Variants in RBM6 observed in about 807,000 individuals in gnomAD.
RBM6 encodes the protein RNA binding motif protein 6.
RBM6 carries 23 observed loss-of-function variants against 140.4 expected under a neutral mutation model. The observed-to-expected ratio is 0.16, with a 90% confidence interval of 0.12 to 0.23. The LOEUF (loss-of-function observed/expected upper bound fraction) is 0.23. Among genes scored for constraint, RBM6 ranks in the 10% least tolerant of loss-of-function variants. RBM6 has a pLI of 1.00. For synonymous variants in RBM6, 439 were observed against 475.6 expected (o/e 0.92, Z 1.00); for missense variants, 1,139 against 1,386.7 (o/e 0.82, Z 2.84).
chr3:49,942,379 CT>C, intron 1 of RBM6, among the ~76,000 whole-genome samples: 1 of 151,364 alleles, frequency 6.6e-6, no homozygotes, highest in East Asian at 1.9e-4. Flanking sequence ...GTCCCAGGTA[CT>C]CAGGAGGCTG....
intron 1 of RBM6, chr3:49,940,845 A>G (rs1260233702): frequency 3.6e-5 from 5 of 137,626 alleles, no homozygotes; most frequent in African/African-American, 1.4e-4. Flanking sequence ...TTTTCTCTTT[A>G]TTTTAGAATT....
At chr3:49,964,211 G>C (rs1010092846) in intron 2 of RBM6, among the ~76,000 whole-genome samples, 2 of 152,106 alleles carry the variant, frequency 1.3e-5, no homozygotes, top group African/African-American at 4.8e-5. Context: ...CTGCCATTTG[G>C]ATTGGCAATC....
At chr3:50,034,563 C>G (rs1270597284) in intron 6 of RBM6, among the ~76,000 whole-genome samples, 1 of 152,042 alleles carries the variant, frequency 6.6e-6, no homozygotes, top group Non-Finnish European at 1.5e-5. Context: ...GAGTTTGAGA[C>G]CAGCCTGGCC....
intron 5 of RBM6, among the ~76,000 whole-genome samples, chr3:49,983,781 G>A (rs2085417028): frequency 6.6e-6 from 1 of 152,108 alleles, no homozygotes; most frequent in African/African-American, 2.4e-5. Context: ...CCTTAAGGTG[G>A]CTGAGCTTAA....
Position 50,061,155 on chromosome 3 carries a change from C to T in RBM6, c.2287C>T (p.Arg763Ter), listed in dbSNP as rs1397304010. The T allele has an allele frequency of 6.2e-7, 1 of 1,614,014 alleles. No individual in the cohort carries two copies. Among genetic ancestry groups the T allele is most frequent in the Non-Finnish European group, 8.5e-7 (1 of 1,179,996 alleles). The change falls in exon 13 of 21, where the codon CGA (arginine) becomes TGA (stop). Residue 763 changes from arginine (R) to a stop codon, truncating the protein, a stop_gained. Transcript: ENST00000266022. LOFTEE classifies it high-confidence loss of function. Reference sequence around the variant, plus strand: ...TCTGTGATAGGGTAAAAAATATTTCCGAGATAGGAGGGGAGGTGGCAGAAA... The same window carrying T: ...TCTGTGATAGGGTAAAAAATATTTCTGAGATAGGAGGGGAGGTGGCAGAAA... Reference protein sequence around the residue: ...MHYYQGKKYFRDRRGGGRNSD... With the variant: ...MHYYQGKKYF
At chr3:49,972,261 T>C in intron 4 of RBM6, 113 bp downstream of exon 4, 1 of 798,284 alleles carries the variant, frequency 1.3e-6, no homozygotes, top group South Asian at 1.9e-5. Flanking sequence ...CAGAGAAGTC[T>C]TGTGTATTTT....
chr3:49,941,738 G>A (rs2083291729), intron 1 of RBM6, among the ~76,000 whole-genome samples: 1 of 136,982 alleles, frequency 7.3e-6, no homozygotes, highest in African/African-American at 2.7e-5. Flanking sequence ...CTAATTTTTT[G>A]TATTTTTTTA....
chr3:50,036,280 C>T lies in RBM6; in HGVS notation c.1558-11965C>T, dbSNP rs143198716. Among the ~76,000 whole-genome samples the T allele has an allele frequency of 1.3e-3, 198 of 152,294 alleles. 1 individual carries two copies. Among genetic ancestry groups the T allele is most frequent in the Middle Eastern group, 0.01 (3 of 294 alleles). On this transcript the variant is annotated intron_variant, in intron 6 of 20. Coordinates refer to ENST00000266022, the MANE Select transcript of RBM6 (RefSeq NM_005777.3). ...TAATAAACTGGATGGTATGTCTTAA[C>T]GTCTGATGGAGTTTAAAGGCATCCA...
chr3:50,057,665 T>C, intron 8 of RBM6, 63 bp from the exon 9 acceptor site: 1 of 1,453,136 alleles, frequency 6.9e-7, no homozygotes, highest in South Asian at 1.3e-5. Flanking sequence ...GTAGCAGTGT[T>C]TTTTCTTTTT....
At chr3:50,011,690 C>CTTT (rs889848626) in intron 6 of RBM6, among the ~76,000 whole-genome samples, 1 of 151,910 alleles carries the variant, frequency 6.6e-6, no homozygotes, top group African/African-American at 2.4e-5. Context: ...TGTAGGTTTT[C>CTTT]TTTTTTTAAG....
chr3:50,017,353 C>G (rs575234233), intron 6 of RBM6, among the ~76,000 whole-genome samples: 3 of 151,988 alleles, frequency 2.0e-5, no homozygotes, highest in South Asian at 4.2e-4. Context: ...GTCAGGAGAT[C>G]GAGACCATCC....
Position 49,985,796 on chromosome 3 carries a change from C to T in RBM6, c.1483+10404C>T, listed in dbSNP as rs552674295. Among the ~76,000 whole-genome samples, 422 of 150,976 alleles carry T rather than the reference C, an allele frequency of 2.8e-3. 6 individuals carry two copies. The highest frequency in any genetic ancestry group is 9.7e-3 in the African/African-American group (397 of 41,070). ...TAATTTTTTGTATTTTTAGCAGAGACGGGGTTTCACTGTGTTAGCCAGGAT... is the reference window on the plus strand; with the variant it reads ...TAATTTTTTGTATTTTTAGCAGAGATGGGGTTTCACTGTGTTAGCCAGGAT... On this transcript the variant is annotated intron_variant, in intron 5 of 20. Transcript: ENST00000266022.
chr3:50,042,212 T>G (rs1390382117), intron 6 of RBM6, among the ~76,000 whole-genome samples: 1 of 152,204 alleles, frequency 6.6e-6, no homozygotes, highest in African/African-American at 2.4e-5. Context: ...GAAGAGTAAT[T>G]GTGACTTTTC....
chr3:50,058,354 A>G (rs1286062898), intron 9 of RBM6, 48 bp from the exon 10 acceptor site: 1 of 1,543,644 alleles, frequency 6.5e-7, no homozygotes, highest in Non-Finnish European at 8.9e-7. Context: ...TCAAAAATTT[A>G]TCTTTCTCTC....
chr3:50,027,226 T>C (rs1417471528), intron 6 of RBM6, among the ~76,000 whole-genome samples: 1 of 152,118 alleles, frequency 6.6e-6, no homozygotes, highest in Non-Finnish European at 1.5e-5. Flanking sequence ...GTGGTGCTCA[T>C]CTGGGCCAGA....
chr3:50,057,587 CAAAAAAAAAAA>C, intron 8 of RBM6, 130 bp from the exon 9 acceptor site: 3 of 215,178 alleles, frequency 1.4e-5, no homozygotes, highest in Middle Eastern at 1.8e-3. Context: ...AACTCCGTCT[CAAAAAAAAAAA>C]AAAAAAAAAA....
Position 50,062,009 on chromosome 3 carries a change from G to C in RBM6, c.2487G>C (p.Glu829Asp). The C allele has an allele frequency of 6.2e-7, 1 of 1,613,700 alleles. No individual in the cohort carries two copies. Among genetic ancestry groups the C allele is most frequent in the Non-Finnish European group, 8.5e-7 (1 of 1,179,878 alleles). Residue 829 changes from glutamate to aspartate, a missense_variant, in exon 15 of 21, where the codon GAG becomes GAC. Glu to Asp is a conservative substitution (Grantham distance 45). Transcript: ENST00000266022. The part of the protein sequence containing the change: ...PQDPGLPEEE[E>D]IKEKKPTSQG... ...ATCCTGGATTACCTGAGGAAGAAGA[G>C]ATCAAGGAAAAAAAACCCACCAGTC...
intron 7 of RBM6, among the ~76,000 whole-genome samples, chr3:50,050,925 G>C (rs558519795): frequency 2.0e-5 from 3 of 151,914 alleles, no homozygotes; most frequent in Non-Finnish European, 4.4e-5. Context: ...TATTTTTGTT[G>C]TTGAGTTATA....
rs140777834 is a variant in RBM6, at chr3:50,026,677, C to T, written c.1558-21568C>T. Among the ~76,000 whole-genome samples, 13 of 151,288 alleles carry T rather than the reference C, an allele frequency of 8.6e-5. No homozygotes were observed. The East Asian group carries it at 2.3e-3, about 27-fold the overall frequency. On this transcript the variant is annotated intron_variant, in intron 6 of 20. Transcript: ENST00000266022. ...AAAAAAATATAGGACTTTGGGAGGC[C>T]GAGGCAGGCAGATCACCTGAGGTCA...
Sources: gnomAD v4.1 joint callset for allele counts (sites outside exome capture counted in the v4.1 genomes callset) on GRCh38, gnomAD v4.1.1 for gene constraint, MANE v1.5 for transcripts, NCBI Gene and HGNC (gene_info 2026-07-23, HGNC 2026-07-21) for gene names.